Variants in DUSP9 observed in about 807,000 individuals in gnomAD.
The protein encoded by DUSP9 is dual specificity phosphatase 9.
Under a neutral mutation model 13.2 loss-of-function variants are expected in DUSP9, and 4 were observed. The observed-to-expected ratio is 0.30, with a 90% CI of 0.15 to 0.69. DUSP9 has a LOEUF of 0.69. Ranked by LOEUF, DUSP9 falls within the 30% of genes least tolerant of loss-of-function variation. The pLI is 0.73. For synonymous variants in DUSP9, 166 were observed against 172.3 expected (o/e 0.96, Z 0.29); for missense variants, 263 against 355.0 (o/e 0.74, Z 2.08).
chrX:153,645,986 C>T (rs1437567073), upstream of DUSP9, among the ~76,000 whole-genome samples: 1 of 112,671 alleles, frequency 8.9e-6, no homozygotes, highest in Non-Finnish European at 1.9e-5. Context: ...TTTGTTAGGC[C>T]ACCGCATTCC....
chrX:153,644,882 C>G, upstream of DUSP9, among the ~76,000 whole-genome samples: 1 of 112,833 alleles, frequency 8.9e-6, no homozygotes. Context: ...TCAGGAGCTC[C>G]CTCTCTAGCC....
In DUSP9 at chrX:153,648,157, G is replaced by T; in HGVS notation, c.204G>T (p.Pro68=). 1 of 994,593 alleles carries T rather than the reference G, an allele frequency of 1.0e-6. No individual in the cohort carries two copies. The allele number at this position is 994,593 out of a possible 1,213,427, so 82.0% of individuals were successfully genotyped here. A position where few individuals can be genotyped will look rare whatever the true frequency, so the allele number is the denominator to read the frequency against. ...SLSVRALLPG[P]PLQPPPPAPV... ...CGGTGCGCGCGCTCCTGCCTGGGCC[G>T]CCGCTGCAGCCGCCCCCGCCTGCCC... The change falls in exon 2 of 4, where the codon CCG becomes CCT. Residue 68 remains proline (P), a synonymous_variant. Transcript: ENST00000342782.
Position 153,650,541 on chromosome X carries a change from C to G in DUSP9, c.*236C>G, listed in dbSNP as rs1220600802. 4 of 395,391 alleles carry G rather than the reference C, an allele frequency of 1.0e-5. No homozygotes were observed. The highest frequency in any genetic ancestry group is 1.7e-5 in the Non-Finnish European group (4 of 228,850). The allele number at this position is 395,391 out of a possible 1,213,427, so 32.6% of individuals were successfully genotyped here. ...TCTTTGCGGGATGGGGGTGGGGGTT[C>G]CCTCTCCAGGTGGTTGTCCAGGCCC... On this transcript the variant is annotated 3_prime_UTR_variant, in exon 4 of 4. Coordinates refer to ENST00000342782, the MANE Select transcript of DUSP9 (RefSeq NM_001318503.2).
upstream of DUSP9, among the ~76,000 whole-genome samples, chrX:153,644,436 CG>C (rs2091181235): frequency 9.4e-6 from 1 of 106,086 alleles, no homozygotes; most frequent in African/African-American, 3.4e-5. Context: ...CACCCGGGAG[CG>C]GCTGCCGGCG....
chrX:153,649,657 C>A lies in DUSP9; in HGVS notation c.799C>A (p.Arg267=), dbSNP rs782120080. 3.1e-5 allele frequency: 37 copies of A among 1,208,727 alleles called. 1 individual carries two copies. In the South Asian group the frequency reaches 6.4e-4, roughly 21 times the overall value. Residue 267 remains arginine, a synonymous_variant, in exon 3 of 4, where the codon CGG becomes AGG. Coordinates refer to ENST00000342782, the MANE Select transcript of DUSP9 (RefSeq NM_001318503.2). ...ISDHWSQNLS[R]FFPEAIEFID... is the part of the protein sequence containing the mutation. ...CGACCACTGGAGCCAGAACCTGTCG[C>A]GGTTCTTTCCGGAGGCCATTGAGTT...
chrX:153,645,893 G>A (rs1390218929), upstream of DUSP9, among the ~76,000 whole-genome samples: 1 of 112,484 alleles, frequency 8.9e-6, no homozygotes, highest in Non-Finnish European at 1.9e-5. Flanking sequence ...CAGTAGGTGG[G>A]AAGTGTTACC....
At chrX:153,646,671 C>A (rs1018101720), upstream of DUSP9, among the ~76,000 whole-genome samples, 1 of 111,113 alleles carries the variant, frequency 9.0e-6, no homozygotes, top group Non-Finnish European at 1.9e-5. Context: ...GCGAGTGAAG[C>A]GGGCTGGTAT....
At position 153,647,398 on chromosome X, in the gene DUSP9, G is replaced by C. The variant is rs959618186; in HGVS notation, c.-63G>C. 1.1e-4 allele frequency: 12 copies of C among 112,295 alleles called. No homozygotes were observed. The highest frequency in any genetic ancestry group is 3.9e-4 in the African/African-American group (12 of 30,980). The allele number at this position is 112,295 out of a possible 1,213,427, so 9.3% of individuals were successfully genotyped here. On this transcript the variant is annotated 5_prime_UTR_variant, in exon 1 of 4. Transcript: ENST00000342782. ...GGCCGTGGCCAGAACGTCCACGCGC[G>C]GTCGTCCACCGCCGGATCTCGCTCC...
rs900154178 is a variant in DUSP9 at position 153,649,888 on chromosome X, G to A, written c.830-92G>A. 1.3e-5 allele frequency: 14 copies of A among 1,053,078 alleles called. 1 individual carries two copies. The African/African-American group carries it at 2.4e-4, about 18-fold the overall frequency. The allele number at this position is 1,053,078 out of a possible 1,213,427, so 86.8% of individuals were successfully genotyped here. A position where few individuals can be genotyped will look rare whatever the true frequency, so the allele number is the denominator to read the frequency against. On this transcript the variant is annotated intron_variant, in intron 3 of 3. Coordinates refer to ENST00000342782, the MANE Select transcript of DUSP9 (RefSeq NM_001318503.2). ...AGGTCGTGGCCATCTGGCCCAGGGG[G>A]CAGGGCGGGGCCTTTGAGGGCCCTT...
chrX:153,647,969 C>A lies in DUSP9; in HGVS notation c.16C>A (p.Arg6Ser). 9.1e-7 allele frequency: 1 copy of A among 1,100,357 alleles called. No individual in the cohort carries two copies. The highest frequency in any genetic ancestry group is 3.9e-5 in the East Asian group (1 of 25,741). 90.7% of individuals were successfully genotyped at this position (1,100,357 alleles called of 1,213,427 possible). The part of the protein sequence containing the change: MEGLG[R>S]SCLWLRRELS... ...CCGATCGCCCATGGAGGGTCTGGGC[C>A]GCTCGTGCCTGTGGCTGCGTCGGGA... The change falls in exon 2 of 4, where the codon CGC becomes AGC. Residue 6 changes from arginine to serine, a missense_variant. Coordinates refer to ENST00000342782, the MANE Select transcript of DUSP9 (RefSeq NM_001318503.2).
chrX:153,643,669 ATGGGGGC>A, upstream of DUSP9: 3 of 273,960 alleles, frequency 1.1e-5, no homozygotes, highest in South Asian at 1.0e-4. Context: ...GGTGGGTTCC[ATGGGGGC>A]TGGCGTCCGC....
chrX:153,650,428 G>A lies in DUSP9; in HGVS notation c.*123G>A, dbSNP rs1418317618. 6 of 522,049 alleles carry A rather than the reference G, an allele frequency of 1.1e-5. No homozygotes were observed. The highest frequency in any genetic ancestry group is 4.7e-5 in the African/African-American group (2 of 42,226). 43.0% of individuals were successfully genotyped at this position (522,049 alleles called of 1,213,427 possible). A position where few individuals can be genotyped will look rare whatever the true frequency, so the allele number is the denominator to read the frequency against. Reference sequence around the variant, plus strand: ...CTGAGCAGGGTGCTGGGGGGAGAGCGCAATACCTCACGCGGGCTGCCGTCC... The same window carrying A: ...CTGAGCAGGGTGCTGGGGGGAGAGCACAATACCTCACGCGGGCTGCCGTCC... On this transcript the variant is annotated 3_prime_UTR_variant, in exon 4 of 4. Coordinates refer to ENST00000342782, the MANE Select transcript of DUSP9 (RefSeq NM_001318503.2).
Position 153,648,114 on chromosome X carries a change from T to G in DUSP9, c.161T>G (p.Leu54Arg). The G allele has an allele frequency of 1.0e-6, 1 of 997,061 alleles. No homozygotes were observed. The highest frequency in any genetic ancestry group is 1.3e-6 in the Non-Finnish European group (1 of 794,097). 82.2% of individuals were successfully genotyped at this position (997,061 alleles called of 1,213,427 possible). A position where few individuals can be genotyped will look rare whatever the true frequency, so the allele number is the denominator to read the frequency against. The change falls in exon 2 of 4, where the codon CTG (leucine) becomes CGG (arginine). Residue 54 changes from leucine to arginine, a missense_variant. By Grantham distance (102) the Leu-to-Arg change is moderately radical. Coordinates refer to ENST00000342782, the MANE Select transcript of DUSP9 (RefSeq NM_001318503.2). ...VALPALLLRR[L>R]RRGSLSVRAL... ...CTGCCGGCGCTCCTGCTGCGCCGCC[T>G]GCGGAGGGGCAGCCTGTCGGTGCGC...
chrX:153,648,401 C>A, intron 2 of DUSP9, 75 bp downstream of exon 2: 1 of 1,016,285 alleles, frequency 9.8e-7, no homozygotes, highest in Admixed American at 4.5e-5. Flanking sequence ...TTCTTTTTTT[C>A]TAAAGCGAGT....
Position 153,649,773 on chromosome X carries a change from G to A in DUSP9, c.829+86G>A, listed in dbSNP as rs1256689639. 4.8e-5 allele frequency: 38 copies of A among 784,676 alleles called. 1 individual carries two copies. The East Asian group carries it at 1.6e-3, about 32-fold the overall frequency. 64.7% of individuals were successfully genotyped at this position (784,676 alleles called of 1,213,427 possible). A position where few individuals can be genotyped will look rare whatever the true frequency, so the allele number is the denominator to read the frequency against. Reference sequence around the variant, plus strand: ...CTTGTGAGTACTCCTCCCAAGCCCCGCTGCCATTCCCAGAGCCAAAAGCCT... The same window carrying A: ...CTTGTGAGTACTCCTCCCAAGCCCCACTGCCATTCCCAGAGCCAAAAGCCT... On this transcript the variant is annotated intron_variant, in intron 3 of 3. Coordinates refer to ENST00000342782, the MANE Select transcript of DUSP9 (RefSeq NM_001318503.2).
In DUSP9 at chrX:153,647,973, C is replaced by T; in HGVS notation, c.20C>T (p.Ser7Leu). Reference sequence around the variant, plus strand: ...TCGCCCATGGAGGGTCTGGGCCGCTCGTGCCTGTGGCTGCGTCGGGAGCTG... The same window carrying T: ...TCGCCCATGGAGGGTCTGGGCCGCTTGTGCCTGTGGCTGCGTCGGGAGCTG... MEGLGR[S>L]CLWLRRELSP... Residue 7 changes from serine (S) to leucine (L), a missense_variant, in exon 2 of 4, where the codon TCG becomes TTG. Ser to Leu is a moderately radical substitution (Grantham distance 145). Transcript: ENST00000342782. 1 of 1,101,615 alleles carries T rather than the reference C, an allele frequency of 9.1e-7. No homozygotes were observed. Among genetic ancestry groups the T allele is most frequent in the Admixed American group, 3.3e-5 (1 of 30,762 alleles). The allele number at this position is 1,101,615 out of a possible 1,213,427, so 90.8% of individuals were successfully genotyped here. A position where few individuals can be genotyped will look rare whatever the true frequency, so the allele number is the denominator to read the frequency against.
upstream of DUSP9, among the ~76,000 whole-genome samples, chrX:153,646,176 ACCTCCCCCTGAC>A (rs1569537922): frequency 1.8e-5 from 2 of 111,720 alleles, no homozygotes; most frequent in African/African-American, 6.5e-5. Flanking sequence ...CATTGTGGAC[ACCTCCCCCTGAC>A]CCTGGTCTCC....
At position 153,647,248 on chromosome X, in the gene DUSP9, G is replaced by C. The variant is rs2091191674; in HGVS notation, c.-213G>C. 1 of 112,472 alleles carries C rather than the reference G, an allele frequency of 8.9e-6. No homozygotes were observed. The highest frequency in any genetic ancestry group is 3.2e-5 in the African/African-American group (1 of 31,100). 9.3% of individuals were successfully genotyped at this position (112,472 alleles called of 1,213,427 possible). ...CTGCCAGGAAGCGGCCGGTGCGCGG[G>C]CTGCGCGGGCTGCGCGGGGCTCGGC... On this transcript the variant is annotated 5_prime_UTR_variant, in exon 1 of 4. Coordinates refer to ENST00000342782, the MANE Select transcript of DUSP9 (RefSeq NM_001318503.2).
In DUSP9 at chrX:153,648,168, C is replaced by A. The variant is rs1214236405; in HGVS notation, c.215C>A (p.Pro72Gln). 9 of 999,204 alleles carry A rather than the reference C, an allele frequency of 9.0e-6. No homozygotes were observed. The highest frequency in any genetic ancestry group is 1.0e-5 in the Non-Finnish European group (8 of 797,727). The allele number at this position is 999,204 out of a possible 1,213,427, so 82.3% of individuals were successfully genotyped here. A position where few individuals can be genotyped will look rare whatever the true frequency, so the allele number is the denominator to read the frequency against. The change falls in exon 2 of 4, where the codon CCG becomes CAG. Residue 72 changes from proline to glutamine, a missense_variant. Physicochemically the swap from Pro to Gln is moderately conservative, Grantham distance 76. Coordinates refer to ENST00000342782, the MANE Select transcript of DUSP9 (RefSeq NM_001318503.2). The stretch of plus-strand genomic sequence containing the variant: ...CTCCTGCCTGGGCCGCCGCTGCAGC[C>A]GCCCCCGCCTGCCCCCGTGCTCCTG... ...RALLPGPPLQ[P>Q]PPPAPVLLYD...
Sources: gnomAD v4.1 joint callset for allele counts (sites outside exome capture counted in the v4.1 genomes callset) on GRCh38, gnomAD v4.1.1 for gene constraint, MANE v1.5 for transcripts, NCBI Gene and HGNC (gene_info 2026-07-23, HGNC 2026-07-21) for gene names.